NEURL1B: variants seen among roughly 807,000 people sequenced by gnomAD.
NEURL1B encodes the protein E3 ubiquitin-protein ligase NEURL1B.
NEURL1B carries 13 observed loss-of-function variants against 37.4 expected under a neutral mutation model. The observed-to-expected ratio is 0.35, with a 90% CI of 0.23 to 0.55. The LOEUF is 0.55. Among genes scored for constraint, NEURL1B ranks in the 20% least tolerant of loss-of-function variants. The pLI is 0.89. For missense variants in NEURL1B, 790 were observed against 879.2 expected (o/e 0.90, Z 1.28); for synonymous variants, 432 against 426.6 (o/e 1.01, Z -0.16).
Position 172,683,830 on chromosome 5 carries a change from C to T in NEURL1B, c.989C>T (p.Pro330Leu), listed in dbSNP as rs142447086. 74,150 of 1,323,108 alleles carry T rather than the reference C, an allele frequency of 0.056. 2,236 individuals are homozygous for T. Among genetic ancestry groups the T allele is most frequent in the Non-Finnish European group, 0.06 (62,461 of 1,033,340 alleles). The allele number at this position is 1,323,108 out of a possible 1,614,324, so 82.0% of individuals were successfully genotyped here. The change falls in exon 3 of 5, where the codon CCG becomes CTG. Residue 330 changes from proline (P) to leucine (L), a missense_variant. Pro to Leu is a moderately conservative substitution (Grantham distance 98). Coordinates refer to ENST00000369800, the MANE Select transcript of NEURL1B (RefSeq NM_001142651.3). The surrounding 1 kb of genome is among the most constrained non-coding windows in gnomAD (Gnocchi z 5.6). Reference sequence around the variant, plus strand: ...AGCCTCTTCGTGGAGGTGGGCCGTCCGGGGCTGGCGGCGCCCGGCGCGCTG... The same window carrying T: ...AGCCTCTTCGTGGAGGTGGGCCGTCTGGGGCTGGCGGCGCCCGGCGCGCTG... ...GESLFVEVGR[P>L]GLAAPGALAF...
At position 172,657,276 on chromosome 5, in the gene NEURL1B, C is replaced by T. The variant is rs921949185; in HGVS notation, c.32-12509C>T. On this transcript the variant is annotated intron_variant, in intron 1 of 4. Coordinates refer to ENST00000369800, the MANE Select transcript of NEURL1B (RefSeq NM_001142651.3). This position sits in a 1 kb window ranked among gnomAD's most constrained non-coding sequence, Gnocchi z 4.0. ...ACCAGTGAACCAAGGACTGTCAGAT[C>T]GCCAGAACTTAGGACACATGGGATG... Among the ~76,000 whole-genome samples the T allele has an allele frequency of 6.6e-6, 1 of 152,074 alleles. No individual in the cohort carries two copies. Among genetic ancestry groups the T allele is most frequent in the African/African-American group, 2.4e-5 (1 of 41,408 alleles).
intron 1 of NEURL1B, among the ~76,000 whole-genome samples, chr5:172,642,125 T>C (rs1465144686): frequency 2.0e-5 from 3 of 152,178 alleles, no homozygotes; most frequent in African/African-American, 7.2e-5. Flanking sequence ...GGAAAATACA[T>C]GGTAATTGTG....
At chr5:172,685,870 A>T (rs919884944) in intron 3 of NEURL1B, among the ~76,000 whole-genome samples, 1 of 152,144 alleles carries the variant, frequency 6.6e-6, no homozygotes, top group African/African-American at 2.4e-5. Flanking sequence ...AACCACCACT[A>T]TTGAGACCAG....
chr5:172,682,365 AGGAGTTCAGGACCAGCCT>A (rs1758370717), intron 2 of NEURL1B, among the ~76,000 whole-genome samples: 1 of 152,206 alleles, frequency 6.6e-6, no homozygotes, highest in African/African-American at 2.4e-5. Flanking sequence ...ACTTGAGGTC[AGGAGTTCAGGACCAGCCT>A]GGCCAACATG....
chr5:172,645,594 C>T (rs10071151), intron 1 of NEURL1B, among the ~76,000 whole-genome samples: 34,956 of 152,084 alleles, frequency 0.23, 4,452 homozygotes, highest in African/African-American at 0.32. Flanking sequence ...GATATTGCCT[C>T]TTCTCTTTCT....
rs1369614380 is a variant in NEURL1B at position 172,669,807 on chromosome 5, C to T, written c.54C>T (p.Leu18=). 1 of 1,288,450 alleles carries T rather than the reference C, an allele frequency of 7.8e-7. No individual in the cohort carries two copies. Among genetic ancestry groups the T allele is most frequent in the African/African-American group, 1.6e-5 (1 of 63,314 alleles). 79.8% of individuals were successfully genotyped at this position (1,288,450 alleles called of 1,614,324 possible). The change falls in exon 2 of 5, where the codon CTC becomes CTT. Residue 18 remains leucine (L), a synonymous_variant. Coordinates refer to ENST00000369800, the MANE Select transcript of NEURL1B (RefSeq NM_001142651.3). ...TLPDPSPPAR[L]LATRPCCGPG... ...CAGACCCGAGCCCACCGGCGCGCCT[C>T]CTGGCCACCCGGCCGTGCTGCGGCC...
At chr5:172,674,685 T>C (rs148445544) in intron 2 of NEURL1B, among the ~76,000 whole-genome samples, 2,106 of 152,206 alleles carry the variant, frequency 0.014, 18 homozygotes, top group Non-Finnish European at 0.02. Flanking sequence ...TAGGTGTACA[T>C]TGCCCCTTCC....
Position 172,683,844 on chromosome 5 carries a change from C to T in NEURL1B, c.1003C>T (p.Pro335Ser), listed in dbSNP as rs960172924. 23 of 1,331,676 alleles carry T rather than the reference C, an allele frequency of 1.7e-5. No homozygotes were observed. In the African/African-American group the frequency reaches 3.4e-4, roughly 20 times the overall value. The allele number at this position is 1,331,676 out of a possible 1,614,324, so 82.5% of individuals were successfully genotyped here. A position where few individuals can be genotyped will look rare whatever the true frequency, so the allele number is the denominator to read the frequency against. The part of the protein sequence containing the change: ...VEVGRPGLAA[P>S]GALAFGITSC... ...GGTGGGCCGTCCGGGGCTGGCGGCG[C>T]CCGGCGCGCTGGCCTTCGGCATCAC... Residue 335 changes from proline (P) to serine (S), a missense_variant, in exon 3 of 5, where the codon CCC becomes TCC. Pro to Ser is a moderately conservative substitution (Grantham distance 74). This residue lies in a region of NEURL1B where 460 missense variants were observed against 407.4 expected (regional missense o/e 1.13). Transcript: ENST00000369800. The surrounding 1 kb of genome is among the most constrained non-coding windows in gnomAD (Gnocchi z 5.6).
At position 172,686,808 on chromosome 5, in the gene NEURL1B, G is replaced by A. The variant is rs1048149668; in HGVS notation, c.1551G>A (p.Thr517=). ...GCGAGGTGGACACGGTCATCTACACGTGTGGACACATGTGCCTGTGCCACA... is the reference window on the plus strand; with the variant it reads ...GCGAGGTGGACACGGTCATCTACACATGTGGACACATGTGCCTGTGCCACA... ...FDGEVDTVIY[T]CGHMCLCHSC... The change falls in exon 5 of 5, where the codon ACG becomes ACA. Residue 517 remains threonine (T), a synonymous_variant. Transcript: ENST00000369800. This position sits in a 1 kb window ranked among gnomAD's most constrained non-coding sequence, Gnocchi z 7.9. 6.4e-6 allele frequency: 10 copies of A among 1,551,866 alleles called. No homozygotes were observed. Among genetic ancestry groups the A allele is most frequent in the East Asian group, 4.9e-5 (2 of 40,926 alleles).
Position 172,645,110 on chromosome 5 carries a change from C to T in NEURL1B, c.31+3673C>T, listed in dbSNP as rs545418203. Among the ~76,000 whole-genome samples the T allele has an allele frequency of 3.3e-5, 5 of 152,278 alleles. No homozygotes were observed. In the East Asian group the frequency reaches 5.8e-4, roughly 18 times the overall value. The stretch of plus-strand genomic sequence containing the variant: ...TGGAGTGAGGAAAGTGTGTTGATCC[C>T]GCTCTATATCAAGCCCTTGGTCAAG... On this transcript the variant is annotated intron_variant, in intron 1 of 4. Transcript: ENST00000369800.
rs1354045394 is a variant in NEURL1B, at chr5:172,675,287, A to G, written c.577+4957A>G. On this transcript the variant is annotated intron_variant, in intron 2 of 4. Coordinates refer to ENST00000369800, the MANE Select transcript of NEURL1B (RefSeq NM_001142651.3). This position sits in a 1 kb window ranked among gnomAD's most constrained non-coding sequence, Gnocchi z 4.7. Reference sequence around the variant, plus strand: ...TTCCACTCACCCTTCTTTAGGATCTATCTGTACTGTGGTATGCCTATCTGG... The same window carrying G: ...TTCCACTCACCCTTCTTTAGGATCTGTCTGTACTGTGGTATGCCTATCTGG... 3.9e-5 allele frequency among the ~76,000 whole-genome samples: 6 copies of G among 152,188 alleles called. No individual in the cohort carries two copies. In the East Asian group the frequency reaches 9.7e-4, roughly 24 times the overall value.
chr5:172,683,586 C>T lies in NEURL1B; in HGVS notation c.745C>T (p.Pro249Ser). The change falls in exon 3 of 5, where the codon CCA becomes TCA. Residue 249 changes from proline (P) to serine (S), a missense_variant. Transcript: ENST00000369800. This position sits in a 1 kb window ranked among gnomAD's most constrained non-coding sequence, Gnocchi z 5.6. ...CCTGGCGCTGGGCCGCGCCCCGGGCCCACCGCCAGCCGACGCCGCGGCCGC... is the reference window on the plus strand; with the variant it reads ...CCTGGCGCTGGGCCGCGCCCCGGGCTCACCGCCAGCCGACGCCGCGGCCGC... ...GHLALGRAPGPPPADAAAAAI... is the reference protein window; with the variant it reads ...GHLALGRAPGSPPADAAAAAI... 3 of 1,313,176 alleles carry T rather than the reference C, an allele frequency of 2.3e-6. No individual in the cohort carries two copies. The highest frequency in any genetic ancestry group is 2.9e-6 in the Non-Finnish European group (3 of 1,032,774). The allele number at this position is 1,313,176 out of a possible 1,614,324, so 81.3% of individuals were successfully genotyped here.
rs111528246 is a variant in NEURL1B at position 172,687,265 on chromosome 5, G to GGGGA, written c.*350_*353dup. ...TTGGGTTGAGTGTGAGAGAAGGGGA[G>GGGGA]GGGAGGGAGGGAGAACAGAGAGAAT... On this transcript the variant is annotated 3_prime_UTR_variant, in exon 5 of 5. Coordinates refer to ENST00000369800, the MANE Select transcript of NEURL1B (RefSeq NM_001142651.3). The GGGGA allele has an allele frequency of 0.21, 43,938 of 208,932 alleles. 6,088 individuals carry two copies. The highest frequency in any genetic ancestry group is 0.27 in the African/African-American group (11,583 of 42,752). 12.9% of individuals were successfully genotyped at this position (208,932 alleles called of 1,614,324 possible). A position where few individuals can be genotyped will look rare whatever the true frequency, so the allele number is the denominator to read the frequency against.
intron 1 of NEURL1B, among the ~76,000 whole-genome samples, chr5:172,643,588 A>T (rs1757507302): frequency 6.6e-6 from 1 of 152,128 alleles, no homozygotes; most frequent in Non-Finnish European, 1.5e-5. Flanking sequence ...TTCCCTGAGG[A>T]CAGAGCCCTT....
intron 1 of NEURL1B, among the ~76,000 whole-genome samples, chr5:172,645,450 A>C (rs952348531): frequency 6.6e-6 from 1 of 152,190 alleles, no homozygotes; most frequent in Non-Finnish European, 1.5e-5. Flanking sequence ...CATCTGAGCC[A>C]TGGGTGGTGT....
chr5:172,646,379 G>A (rs1757560276), intron 1 of NEURL1B, among the ~76,000 whole-genome samples: 3 of 152,178 alleles, frequency 2.0e-5, no homozygotes, highest in Admixed American at 1.3e-4. Flanking sequence ...GAGAGGCCTC[G>A]GGCCTGCTCC....
intron 2 of NEURL1B, among the ~76,000 whole-genome samples, chr5:172,671,657 A>T (rs1222143787): frequency 6.6e-6 from 1 of 152,228 alleles, no homozygotes; most frequent in Non-Finnish European, 1.5e-5. Flanking sequence ...ATTGCTAAGT[A>T]TGCTAAGTAG....
In NEURL1B at chr5:172,665,866, C is replaced by T. The variant is rs1046455699; in HGVS notation, c.32-3919C>T. ...CCATCGCCTGAGATGGTCTTTATCA[C>T]GCCTGTTGTCGTTGGGCATTCAGCT... On this transcript the variant is annotated intron_variant, in intron 1 of 4. Coordinates refer to ENST00000369800, the MANE Select transcript of NEURL1B (RefSeq NM_001142651.3). This position sits in a 1 kb window ranked among gnomAD's most constrained non-coding sequence, Gnocchi z 4.1. Among the ~76,000 whole-genome samples, 16 of 152,318 alleles carry T rather than the reference C, an allele frequency of 1.1e-4. No individual in the cohort carries two copies. Among genetic ancestry groups the T allele is most frequent in the African/African-American group, 3.6e-4 (15 of 41,564 alleles).
intron 1 of NEURL1B, among the ~76,000 whole-genome samples, chr5:172,655,835 T>C (rs1757765487): frequency 6.6e-6 from 1 of 151,458 alleles, no homozygotes; most frequent in South Asian, 2.1e-4. Flanking sequence ...GGGGTGCACC[T>C]CCTCACAAGA....
Sources: allele counts gnomAD v4.1 joint callset (sites outside exome capture counted in the v4.1 genomes callset), GRCh38; gene constraint gnomAD v4.1.1; regional missense constraint gnomAD v4.1.1; non-coding constraint Gnocchi (gnomAD v3.1); transcripts MANE v1.5; gene names NCBI Gene and HGNC (gene_info 2026-07-23, HGNC 2026-07-21).